Variants in RUSC2 observed in about 807,000 individuals in gnomAD.
The protein encoded by RUSC2 is RUN and SH3 domain containing 2.
In RUSC2, 34 loss-of-function variants were observed where a neutral mutation model predicts 122.2. The ratio of observed to expected loss-of-function variants is 0.28; its 90% CI spans 0.21 to 0.37. The LOEUF is 0.37. Ranked by LOEUF, RUSC2 falls within the 10% of genes least tolerant of loss-of-function variation. RUSC2 has a pLI of 1.00. For synonymous variants in RUSC2, 784 were observed against 790.0 expected, an observed-to-expected ratio of 0.99 and a Z score of 0.13; for missense variants, 1,747 against 1,952.4, an observed-to-expected ratio of 0.89 and a Z score of 1.98.
chr9:35,490,432 C>T (rs895582882), intron 1 of RUSC2, among the ~76,000 whole-genome samples: 4 of 152,110 alleles, frequency 2.6e-5, no homozygotes, highest in South Asian at 2.1e-4. Flanking sequence ...ACACCCAGCA[C>T]CCACCGTCCC....
Position 35,555,367 on chromosome 9 carries a change from A to T in RUSC2, c.2322A>T (p.Pro774=), listed in dbSNP as rs917418097. ...GGTCTGAGCCAGAGACCTCTCGGCC[A>T]TCGCCCCTGGGCAGCTACTCCCCCA... ...KAGSEPETSR[P]SPLGSYSPIR... The change falls in exon 3 of 12, where the codon CCA becomes CCT. Residue 774 remains proline, a synonymous_variant. Transcript: ENST00000361226. This position sits in a 1 kb window ranked among gnomAD's most constrained non-coding sequence, Gnocchi z 4.6. 6.2e-7 allele frequency: 1 copy of T among 1,614,226 alleles called. No homozygotes were observed. Among genetic ancestry groups the T allele is most frequent in the Non-Finnish European group, 8.5e-7 (1 of 1,180,026 alleles).
Position 35,531,645 on chromosome 9 carries a change from T to C in RUSC2, c.-92-14785T>C, listed in dbSNP as rs560500830. ...TTTCTCATTCATGAAGTAAGGATAA[T>C]AACATTTAGCTTAGAGAGTGGTTAT... is the stretch of plus-strand genomic sequence containing the variant. On this transcript the variant is annotated intron_variant, in intron 1 of 11. Transcript: ENST00000361226. Among the ~76,000 whole-genome samples the C allele has an allele frequency of 1.7e-4, 26 of 152,344 alleles. 1 individual carries two copies. The highest frequency in any genetic ancestry group is 6.3e-4 in the African/African-American group (26 of 41,578).
intron 1 of RUSC2, among the ~76,000 whole-genome samples, chr9:35,494,230 C>A (rs1272306315): frequency 6.6e-6 from 1 of 151,760 alleles, no homozygotes; most frequent in Non-Finnish European, 1.5e-5. Context: ...CTTTGGGAGG[C>A]CGAGGCGGGC....
chr9:35,549,651 C>G (rs936407606), intron 2 of RUSC2, among the ~76,000 whole-genome samples: 1 of 152,128 alleles, frequency 6.6e-6, no homozygotes, highest in African/African-American at 2.4e-5. Flanking sequence ...GGCTTTGTGA[C>G]GACTTGTAAG....
intron 1 of RUSC2, among the ~76,000 whole-genome samples, chr9:35,525,754 G>A (rs1311143154): frequency 1.3e-5 from 2 of 152,010 alleles, no homozygotes; most frequent in African/African-American, 2.4e-5. Flanking sequence ...AGCCGAGATC[G>A]CACCACTGCA....
intron 1 of RUSC2, among the ~76,000 whole-genome samples, chr9:35,517,273 C>T (rs1037714686): frequency 2.0e-5 from 3 of 152,206 alleles, no homozygotes; most frequent in East Asian, 1.9e-4. Context: ...TAGTTCTCTT[C>T]GGGAGTTCCA....
chr9:35,551,775 G>T (rs1051218276), intron 2 of RUSC2, among the ~76,000 whole-genome samples: 10 of 152,130 alleles, frequency 6.6e-5, no homozygotes, highest in Admixed American at 5.2e-4. Context: ...AGCTGAGAAG[G>T]TCGGCTGGGC....
Position 35,547,759 on chromosome 9 carries a change from C to T in RUSC2, c.1238C>T (p.Ala413Val), listed in dbSNP as rs769664555. The change falls in exon 2 of 12, where the codon GCT becomes GTT. Residue 413 changes from alanine to valine, a missense_variant. Coordinates refer to ENST00000361226, the MANE Select transcript of RUSC2 (RefSeq NM_014806.5). This position sits in a 1 kb window ranked among gnomAD's most constrained non-coding sequence, Gnocchi z 4.6. ...DLSSQSSPSP[A>V]GSSITSCSEE... ...TCTTCCCAATCATCCCCAAGCCCTG[C>T]TGGCTCTTCCATCACTAGCTGCTCT... The T allele has an allele frequency of 3.1e-6, 5 of 1,614,182 alleles. No homozygotes were observed. Among genetic ancestry groups the T allele is most frequent in the Non-Finnish European group, 3.4e-6 (4 of 1,180,040 alleles).
chr9:35,560,602 T>G lies in RUSC2; in HGVS notation c.3962T>G (p.Val1321Gly), dbSNP rs748578432. The part of the protein sequence containing the change: ...PPQAPPPREG[V>G]VEGAEACPAS... ...CAGGCTCCACCACCCCGAGAGGGAG[T>G]AGTGGAGGGGGCTGAGGCCTGCCCT... is the stretch of plus-strand genomic sequence containing the variant. Residue 1321 changes from valine (V) to glycine (G), a missense_variant, in exon 10 of 12, where the codon GTA becomes GGA. Val to Gly is a moderately radical substitution (Grantham distance 109). Coordinates refer to ENST00000361226, the MANE Select transcript of RUSC2 (RefSeq NM_014806.5). 2 of 1,609,784 alleles carry G rather than the reference T, an allele frequency of 1.2e-6. No homozygotes were observed. Among genetic ancestry groups the G allele is most frequent in the Non-Finnish European group, 1.7e-6 (2 of 1,178,492 alleles).
intron 1 of RUSC2, among the ~76,000 whole-genome samples, chr9:35,515,068 T>G (rs993878324): frequency 6.6e-6 from 1 of 152,170 alleles, no homozygotes; most frequent in Non-Finnish European, 1.5e-5. Context: ...GAATAAATAT[T>G]TGATTGGCAA....
At chr9:35,514,491 C>A (rs1821067516) in intron 1 of RUSC2, among the ~76,000 whole-genome samples, 1 of 152,076 alleles carries the variant, frequency 6.6e-6, no homozygotes, top group African/African-American at 2.4e-5. Flanking sequence ...AAATAGACTT[C>A]ATTTGATGTC....
intron 8 of RUSC2, among the ~76,000 whole-genome samples, chr9:35,559,007 A>C (rs1286119478): frequency 6.6e-6 from 1 of 152,218 alleles, no homozygotes; most frequent in East Asian, 1.9e-4. Context: ...TCTTAGGTCT[A>C]CTGCAGGCTG....
At chr9:35,524,600 A>G (rs567371679) in intron 1 of RUSC2, among the ~76,000 whole-genome samples, 1 of 152,246 alleles carries the variant, frequency 6.6e-6, no homozygotes, top group African/African-American at 2.4e-5. Flanking sequence ...TTTGTTCTGC[A>G]TTATGTGTTT....
intron 1 of RUSC2, among the ~76,000 whole-genome samples, chr9:35,496,246 A>AGAG (rs1820711026): frequency 6.6e-6 from 1 of 152,204 alleles, no homozygotes; most frequent in South Asian, 2.1e-4. Flanking sequence ...GGAAGCTCTC[A>AGAG]GAGAGGATCA....
chr9:35,552,318 G>A (rs960790646), intron 2 of RUSC2, among the ~76,000 whole-genome samples: 4 of 152,134 alleles, frequency 2.6e-5, no homozygotes, highest in Non-Finnish European at 5.9e-5. Flanking sequence ...CTGAGATCAC[G>A]CCACTGCACT....
chr9:35,545,673 G>A (rs1191275703), intron 1 of RUSC2, among the ~76,000 whole-genome samples: 1 of 152,168 alleles, frequency 6.6e-6, no homozygotes, highest in Non-Finnish European at 1.5e-5. Flanking sequence ...CTTGTGTGAT[G>A]TGTTAGAATG....
chr9:35,529,484 G>A (rs1821380848), intron 1 of RUSC2, among the ~76,000 whole-genome samples: 1 of 148,408 alleles, frequency 6.7e-6, no homozygotes, highest in Non-Finnish European at 1.5e-5. Context: ...AATGTTTATG[G>A]TGGCATTTTT....
At chr9:35,534,356 C>T (rs1194345064) in intron 1 of RUSC2, among the ~76,000 whole-genome samples, 1 of 151,778 alleles carries the variant, frequency 6.6e-6, no homozygotes, top group African/African-American at 2.4e-5. Flanking sequence ...AGGAGGATCA[C>T]TTGAGCTCAG....
chr9:35,525,513 T>G (rs1301116422), intron 1 of RUSC2, among the ~76,000 whole-genome samples: 1 of 152,052 alleles, frequency 6.6e-6, no homozygotes, highest in African/African-American at 2.4e-5. Flanking sequence ...TTAAAAAGAA[T>G]TTTTGGTCGA....
Sources: allele counts gnomAD v4.1 joint callset (sites outside exome capture counted in the v4.1 genomes callset), GRCh38; gene constraint gnomAD v4.1.1; non-coding constraint Gnocchi (gnomAD v3.1); transcripts MANE v1.5; gene names NCBI Gene and HGNC (gene_info 2026-07-23, HGNC 2026-07-21).